Variants in ZC3H12B observed in about 807,000 individuals in gnomAD.
The protein encoded by ZC3H12B is zinc finger CCCH-type containing 12B, also known as probable ribonuclease ZC3H12B.
In ZC3H12B, 7 loss-of-function variants were observed where a neutral mutation model predicts 43.9. That is an observed-to-expected ratio of 0.16 (90% confidence interval 0.09 to 0.30). The LOEUF (loss-of-function observed/expected upper bound fraction) is 0.30, where lower values mean the gene tolerates loss of function less well. Among genes scored for constraint, ZC3H12B ranks in the 10% least tolerant of loss-of-function variants. ZC3H12B has a pLI of 1.00. For synonymous variants in ZC3H12B, 222 were observed against 241.7 expected (o/e 0.92, Z 0.76); for missense variants, 475 against 670.2 (o/e 0.71, Z 3.22).
the ZC3H12B span, among the ~76,000 whole-genome samples, chrX:65,190,670 G>A: frequency 3.3e-3 from 362 of 110,149 alleles, 2 homozygotes; most frequent in African/African-American, 0.011. Context: ...CTTTGCTGAA[G>A]TTGCTTATCA....
At chrX:65,082,757 C>A in the ZC3H12B span, among the ~76,000 whole-genome samples, 3 of 110,674 alleles carry the variant, frequency 2.7e-5, no homozygotes, top group Non-Finnish European at 5.7e-5. Context: ...CACAATCATT[C>A]TATGAGGTCA....
the ZC3H12B span, among the ~76,000 whole-genome samples, chrX:65,152,336 A>T: frequency 5.4e-5 from 6 of 111,461 alleles, no homozygotes; most frequent in South Asian, 3.8e-4. Context: ...GAAAACCCCA[A>T]TGTCTCAGCC....
chrX:65,500,069 C>T, intron 4 of ZC3H12B, 80 bp downstream of exon 9: 1 of 806,108 alleles, frequency 1.2e-6, no homozygotes, highest in African/African-American at 2.0e-5. Context: ...TTCCAGGTTT[C>T]CCTTTCAAAT....
the ZC3H12B span, among the ~76,000 whole-genome samples, chrX:65,147,256 G>A: frequency 8.9e-6 from 1 of 111,910 alleles, no homozygotes; most frequent in Non-Finnish European, 1.9e-5. Flanking sequence ...AGGCTGTCTG[G>A]TACAGTCTGC....
At chrX:65,403,383 G>C (rs1345334792) in intron 3 of ZC3H12B, among the ~76,000 whole-genome samples, 2 of 111,586 alleles carry the variant, frequency 1.8e-5, no homozygotes, top group East Asian at 5.6e-4. Context: ...AAATGAGATA[G>C]AGGAAGAGAT....
chrX:65,315,583 G>A, the ZC3H12B span, among the ~76,000 whole-genome samples: 12 of 111,191 alleles, frequency 1.1e-4, no homozygotes, highest in Non-Finnish European at 1.5e-4. Flanking sequence ...ATCCAGAAAT[G>A]AAGCCATTTG....
intron 3 of ZC3H12B, chrX:65,408,401 G>T: frequency 7.5e-6 from 9 of 1,204,324 alleles, no homozygotes; most frequent in Non-Finnish European, 1.0e-5. Context: ...GGTGGCCCAG[G>T]CTGTCGAACG....
At chrX:65,330,796 T>G in the ZC3H12B span, 5 of 153,356 alleles carry the variant, frequency 3.3e-5, no homozygotes, top group African/African-American at 1.2e-4. Flanking sequence ...TGTTGCTGGA[T>G]TCGGTTTGCC....
the ZC3H12B span, chrX:65,270,912 A>T: frequency 2.7e-5 from 3 of 111,574 alleles, no homozygotes; most frequent in Admixed American, 9.5e-5. Flanking sequence ...CCCCACCAGG[A>T]CTGCTGGAGG....
At chrX:65,156,511 C>A in the ZC3H12B span, among the ~76,000 whole-genome samples, 5 of 111,163 alleles carry the variant, frequency 4.5e-5, no homozygotes, top group Non-Finnish European at 7.5e-5. Flanking sequence ...CTCCAGAGTA[C>A]CTGGGATTAC....
At chrX:65,151,518 A>G in the ZC3H12B span, among the ~76,000 whole-genome samples, 1 of 111,932 alleles carries the variant, frequency 8.9e-6, no homozygotes, top group African/African-American at 3.2e-5. Context: ...CTTTCCCTGT[A>G]AATTTTGAAT....
chrX:65,398,405 C>T (rs769038135), intron 2 of ZC3H12B, among the ~76,000 whole-genome samples, 188 bp from the exon 5 acceptor site: 1 of 111,975 alleles, frequency 8.9e-6, no homozygotes, highest in African/African-American at 3.2e-5. Flanking sequence ...TTGGCTGTGT[C>T]CCCACACAAA....
chrX:65,259,057 GA>G, the ZC3H12B span, among the ~76,000 whole-genome samples: 2 of 111,745 alleles, frequency 1.8e-5, no homozygotes, highest in Non-Finnish European at 3.8e-5. Flanking sequence ...TACAGAATTA[GA>G]AAAAAATTAA....
intron 3 of ZC3H12B, among the ~76,000 whole-genome samples, chrX:65,428,697 A>T (rs757109359): frequency 2.9e-4 from 33 of 111,976 alleles, no homozygotes; most frequent in Non-Finnish European, 6.0e-4. Context: ...GGGTTACAAC[A>T]TGTTCCTTTA....
intron 1 of ZC3H12B, among the ~76,000 whole-genome samples, chrX:65,492,900 G>A (rs896636621): frequency 1.3e-4 from 14 of 111,146 alleles, no homozygotes; most frequent in South Asian, 3.8e-4. Flanking sequence ...CCAGGAGTTC[G>A]AGACCAGCCT....
At chrX:65,279,625 A>G in the ZC3H12B span, among the ~76,000 whole-genome samples, 1 of 111,778 alleles carries the variant, frequency 8.9e-6, no homozygotes, top group South Asian at 3.7e-4. Flanking sequence ...ACTCTGGAAG[A>G]CAACCTAACC....
chrX:65,369,132 T>C (rs2066212005), intron 2 of ZC3H12B, 134 bp downstream of exon 4: 1 of 111,783 alleles, frequency 8.9e-6, no homozygotes, highest in South Asian at 3.7e-4. Context: ...TCCAGAAAGA[T>C]TGAGGCATCA....
chrX:65,435,882 TAA>T (rs922016176), intron 3 of ZC3H12B, among the ~76,000 whole-genome samples: 4 of 112,166 alleles, frequency 3.6e-5, no homozygotes, highest in African/African-American at 1.3e-4. Flanking sequence ...AATCAAAGGC[TAA>T]GTGTCTGAGA....
the ZC3H12B span, among the ~76,000 whole-genome samples, chrX:65,117,581 C>G: frequency 6.3e-5 from 7 of 111,627 alleles, no homozygotes; most frequent in Non-Finnish European, 1.3e-4. Context: ...TCCCATGTGT[C>G]AATTTTGTCT....
Sources: allele counts gnomAD v4.1 joint callset (sites outside exome capture counted in the v4.1 genomes callset), GRCh38; gene constraint gnomAD v4.1.1; transcripts MANE v1.5; gene names NCBI Gene and HGNC (gene_info 2026-07-23, HGNC 2026-07-21).